KCNT2: variants seen among roughly 807,000 people sequenced by gnomAD.
KCNT2 encodes potassium channel subfamily T member 2.
Under a neutral mutation model 153.8 loss-of-function variants are expected in KCNT2, and 67 were observed. That is an observed-to-expected ratio of 0.44 (90% CI 0.36 to 0.53). KCNT2 has a LOEUF of 0.53. Among genes scored for constraint, KCNT2 ranks in the 20% least tolerant of loss-of-function variants. KCNT2 has a pLI of 0.00. For synonymous variants in KCNT2, 500 were observed against 458.8 expected (o/e 1.09, Z -1.15); for missense variants, 975 against 1,354.8 (o/e 0.72, Z 4.40).
chr1:196,280,703 T>C, intron 25 of KCNT2, 157 bp downstream of exon 25: 1 of 661,298 alleles, frequency 1.5e-6, no homozygotes. Context: ...AAACAAATAG[T>C]TGAAAAAAAA....
intron 26 of KCNT2, chr1:196,257,852 T>A (rs1303504864): frequency 1.0e-6 from 1 of 984,956 alleles, no homozygotes; most frequent in Non-Finnish European, 1.2e-6. Flanking sequence ...TCTCAGGCAC[T>A]AGAATAAGAT....
intron 8 of KCNT2, among the ~76,000 whole-genome samples, chr1:196,458,178 A>G (rs963627154): frequency 1.3e-5 from 2 of 151,896 alleles, no homozygotes; most frequent in African/African-American, 2.4e-5. Context: ...TGACTGCTTA[A>G]TTAAAAAGCA....
intron 19 of KCNT2, among the ~76,000 whole-genome samples, chr1:196,325,938 G>A (rs931291221): frequency 2.6e-5 from 4 of 152,066 alleles, no homozygotes; most frequent in Admixed American, 1.3e-4. Flanking sequence ...ACAAGGCAAC[G>A]GAATTTGGCC....
intron 26 of KCNT2, among the ~76,000 whole-genome samples, chr1:196,252,366 T>C (rs754202797): frequency 5.9e-5 from 9 of 151,736 alleles, no homozygotes; most frequent in Non-Finnish European, 1.2e-4. Flanking sequence ...GCACAACACA[T>C]AAACAAGAAA....
chr1:196,482,165 A>G (rs1258677471), intron 4 of KCNT2, among the ~76,000 whole-genome samples, 166 bp downstream of exon 4: 1 of 152,162 alleles, frequency 6.6e-6, no homozygotes, highest in Non-Finnish European at 1.5e-5. Flanking sequence ...TGCAGGGCTC[A>G]GACAAACAAG....
At chr1:196,346,960 C>A (rs570746917) in intron 14 of KCNT2, among the ~76,000 whole-genome samples, 1 of 152,068 alleles carries the variant, frequency 6.6e-6, no homozygotes, top group Non-Finnish European at 1.5e-5. Context: ...TCCTGGTAAT[C>A]TATGAGATAT....
chr1:196,600,110 G>C (rs530669656), intron 1 of KCNT2, among the ~76,000 whole-genome samples: 17 of 152,116 alleles, frequency 1.1e-4, no homozygotes, highest in Non-Finnish European at 2.1e-4. Flanking sequence ...AGTTATTAAG[G>C]AGTCAGGGTC....
Position 196,553,519 on chromosome 1 carries a change from G to T in KCNT2, c.95+54696C>A, listed in dbSNP as rs577436672. Among the ~76,000 whole-genome samples, 15 of 150,328 alleles carry T rather than the reference G, an allele frequency of 1.0e-4. No homozygotes were observed. The East Asian group carries it at 2.9e-3, about 29-fold the overall frequency. Reference sequence around the variant, plus strand: ...AAAATATTACTAGAGCTAAAGGGAGGGACAGACCTCAATACACTAATAGCT... The same window carrying T: ...AAAATATTACTAGAGCTAAAGGGAGTGACAGACCTCAATACACTAATAGCT... On this transcript the variant is annotated intron_variant, in intron 1 of 27. Transcript: ENST00000294725.
rs182878468 is a variant in KCNT2 at position 196,263,808 on chromosome 1, C to G, written c.2911-5314G>C. 9.1e-4 allele frequency among the ~76,000 whole-genome samples: 138 copies of G among 152,258 alleles called. 1 individual carries two copies. The Middle Eastern group carries it at 0.01, about 11-fold the overall frequency. On this transcript the variant is annotated intron_variant, in intron 25 of 27. Coordinates refer to ENST00000294725, the MANE Select transcript of KCNT2 (RefSeq NM_198503.5). ...CCTCATCTACATTTTGGTTAATTAT[C>G]TCTAAAAGATAAATCAAATATAGTC...
At chr1:196,544,128 G>A (rs1484379211) in intron 1 of KCNT2, among the ~76,000 whole-genome samples, 1 of 152,054 alleles carries the variant, frequency 6.6e-6, no homozygotes, top group South Asian at 2.1e-4. Context: ...TCCATGAAAG[G>A]TCACTATAAC....
intron 8 of KCNT2, among the ~76,000 whole-genome samples, chr1:196,431,527 G>C (rs1417080831): frequency 6.6e-6 from 1 of 152,042 alleles, no homozygotes; most frequent in East Asian, 1.9e-4. Flanking sequence ...TTCTTAGACA[G>C]AAATGAAGAC....
At chr1:196,319,613 T>C (rs1320947524) in intron 19 of KCNT2, 58 bp from the exon 20 acceptor site, 1 of 1,123,110 alleles carries the variant, frequency 8.9e-7, no homozygotes, top group South Asian at 1.4e-5. Flanking sequence ...GCAGCACTTC[T>C]AGGGAAAGGA....
At chr1:196,497,397 T>C (rs1680340257) in intron 1 of KCNT2, among the ~76,000 whole-genome samples, 3 of 152,186 alleles carry the variant, frequency 2.0e-5, no homozygotes, top group Admixed American at 6.5e-5. Flanking sequence ...TTTCTTGTCA[T>C]TATTCTTTAG....
At chr1:196,553,064 C>T (rs1658162388) in intron 1 of KCNT2, among the ~76,000 whole-genome samples, 1 of 151,100 alleles carries the variant, frequency 6.6e-6, no homozygotes, top group African/African-American at 2.4e-5. Flanking sequence ...TAACTCCCTA[C>T]TTATCAATAA....
At chr1:196,559,210 C>T (rs1659069956) in intron 1 of KCNT2, among the ~76,000 whole-genome samples, 1 of 151,580 alleles carries the variant, frequency 6.6e-6, no homozygotes, top group African/African-American at 2.4e-5. Context: ...AAATGGAATG[C>T]TCTTTCTCTT....
intron 16 of KCNT2, among the ~76,000 whole-genome samples, chr1:196,335,420 T>C (rs1664925731): frequency 6.6e-6 from 1 of 152,158 alleles, no homozygotes; most frequent in Non-Finnish European, 1.5e-5. Flanking sequence ...CTAGGCTATA[T>C]GGTATAGCCT....
intron 1 of KCNT2, among the ~76,000 whole-genome samples, chr1:196,531,294 G>A (rs1654907339): frequency 6.6e-6 from 1 of 151,924 alleles, no homozygotes; most frequent in Non-Finnish European, 1.5e-5. Context: ...ACTTCCAAAA[G>A]GACAAGTTAC....
intron 8 of KCNT2, among the ~76,000 whole-genome samples, chr1:196,444,306 T>C (rs1675498312): frequency 6.6e-6 from 1 of 151,488 alleles, no homozygotes; most frequent in Non-Finnish European, 1.5e-5. Flanking sequence ...TTTCTAAATA[T>C]ACCTTTACTC....
chr1:196,459,427 G>GA (rs958625893), intron 8 of KCNT2, among the ~76,000 whole-genome samples: 5 of 150,216 alleles, frequency 3.3e-5, no homozygotes, highest in South Asian at 2.1e-4. Flanking sequence ...GAAAGAAATA[G>GA]AAAAAAAAAG....
Sources: allele counts gnomAD v4.1 joint callset (sites outside exome capture counted in the v4.1 genomes callset), GRCh38; gene constraint gnomAD v4.1.1; transcripts MANE v1.5; gene names NCBI Gene and HGNC (gene_info 2026-07-23, HGNC 2026-07-21).